Variants in ABAT observed in about 807,000 individuals in gnomAD.
The protein encoded by ABAT is 4-aminobutyrate aminotransferase.
A neutral mutation model predicts 64.6 loss-of-function variants in ABAT; 45 were observed. The ratio of observed to expected loss-of-function variants is 0.70; its 90% CI spans 0.55 to 0.89. The LOEUF (loss-of-function observed/expected upper bound fraction) is 0.89, where lower values mean the gene tolerates loss of function less well. ABAT is among the 40% of genes least tolerant of loss of function. The pLI, the probability that ABAT is intolerant of heterozygous loss-of-function variation, is 0.00. For missense variants in ABAT, 633 were observed against 658.4 expected, an observed-to-expected ratio of 0.96 and a Z score of 0.42; for synonymous variants, 297 against 250.5, an observed-to-expected ratio of 1.19 and a Z score of -1.75.
intron 1 of ABAT, among the ~76,000 whole-genome samples, chr16:8,696,268 G>C (rs534049239): frequency 6.6e-6 from 1 of 152,172 alleles, no homozygotes. Flanking sequence ...AGAAGGGCCA[G>C]GGTGACTGTG....
intron 1 of ABAT, among the ~76,000 whole-genome samples, chr16:8,691,444 T>C (rs981191774): frequency 1.4e-5 from 2 of 146,066 alleles, no homozygotes. Flanking sequence ...CCCAGGGAAC[T>C]TTTTTTTTTT....
At chr16:8,761,657 C>T (rs2059801407) in intron 6 of ABAT, among the ~76,000 whole-genome samples, 1 of 152,198 alleles carries the variant, frequency 6.6e-6, no homozygotes, top group Non-Finnish European at 1.5e-5. Context: ...CTGACCTCCA[C>T]GGGCTAAAAG....
At chr16:8,778,438 C>G (rs921122909) in intron 14 of ABAT, among the ~76,000 whole-genome samples, 3 of 152,126 alleles carry the variant, frequency 2.0e-5, no homozygotes, top group Non-Finnish European at 4.4e-5. Context: ...GTTCTCCCCA[C>G]TGTGCCTGTG....
At chr16:8,698,151 G>T (rs1397568928) in intron 1 of ABAT, among the ~76,000 whole-genome samples, 1 of 152,186 alleles carries the variant, frequency 6.6e-6, no homozygotes, top group African/African-American at 2.4e-5. Flanking sequence ...GAGATCAGTA[G>T]GACTGTACTC....
intron 1 of ABAT, among the ~76,000 whole-genome samples, chr16:8,709,390 T>C (rs1031171167): frequency 1.4e-5 from 2 of 139,018 alleles, no homozygotes; most frequent in African/African-American, 2.9e-5. Flanking sequence ...TTATTTATTT[T>C]TGAGATGGAG....
At position 8,683,667 on chromosome 16, in the gene ABAT, G is replaced by A. The variant is rs539751321; in HGVS notation, c.-42+8956G>A. 3 of 152,240 alleles carry A rather than the reference G, an allele frequency of 2.0e-5. No individual in the cohort carries two copies. The East Asian group carries it at 5.8e-4, about 29-fold the overall frequency. The allele number at this position is 152,240 out of a possible 1,614,324, so 9.4% of individuals were successfully genotyped here. On this transcript the variant is annotated intron_variant, in intron 1 of 15. Transcript: ENST00000268251. ...CTACTTAGGTCTGTCCTCTGAAACT[G>A]GAGAAAGGGGAGATGACTTGAAAGT...
chr16:8,778,458 A>C (rs1358735991), intron 14 of ABAT, among the ~76,000 whole-genome samples: 3 of 152,054 alleles, frequency 2.0e-5, no homozygotes, highest in African/African-American at 7.2e-5. Context: ...GTCTGTCTCC[A>C]GATTGTCTTC....
intron 11 of ABAT, 88 bp downstream of exon 11, chr16:8,769,061 AG>A (rs2060027030): frequency 6.3e-7 from 1 of 1,576,442 alleles, no homozygotes; most frequent in South Asian, 1.1e-5. Flanking sequence ...AAACAGATGA[AG>A]GGTTTATCTG....
intron 1 of ABAT, among the ~76,000 whole-genome samples, chr16:8,726,939 C>G (rs1035872407): frequency 2.0e-5 from 3 of 152,326 alleles, no homozygotes; most frequent in African/African-American, 7.2e-5. Flanking sequence ...CTCTGATGAT[C>G]AGTGATGTCA....
intron 1 of ABAT, among the ~76,000 whole-genome samples, chr16:8,687,653 C>T (rs11646372): frequency 0.3 from 45,808 of 152,046 alleles, 7,275 homozygotes; most frequent in East Asian, 0.6. Flanking sequence ...AGGTCCCACG[C>T]GGTGCATCCC....
Position 8,766,231 on chromosome 16 carries a change from C to A in ABAT, c.564C>A (p.Gly188=). 6.2e-7 allele frequency: 1 copy of A among 1,614,132 alleles called. No individual in the cohort carries two copies. The highest frequency in any genetic ancestry group is 8.5e-7 in the Non-Finnish European group (1 of 1,179,974). Residue 188 remains glycine (G), a synonymous_variant, in exon 9 of 16, where the codon GGC becomes GGA. Transcript: ENST00000268251. The stretch of plus-strand genomic sequence containing the variant: ...AGAGCAAGGAAAGAGGGCAGAGGGG[C>A]TTCTCCCAGGAGGAGCTGGAGACGT... ...WYRSKERGQR[G]FSQEELETCM... is the part of the protein sequence containing the mutation.
At chr16:8,773,058 G>A (rs1219154385) in intron 12 of ABAT, 141 bp downstream of exon 12, 5 of 1,083,986 alleles carry the variant, frequency 4.6e-6, no homozygotes, top group Non-Finnish European at 6.8e-6. Context: ...CATCAGGGGT[G>A]GAGAAGTTGG....
intron 1 of ABAT, among the ~76,000 whole-genome samples, chr16:8,680,250 G>T (rs1288523739): frequency 6.6e-6 from 1 of 151,924 alleles, no homozygotes; most frequent in Non-Finnish European, 1.5e-5. Context: ...ATCCATAATT[G>T]CCTGGAAGCA....
intron 1 of ABAT, among the ~76,000 whole-genome samples, chr16:8,691,270 GC>G (rs1334444442): frequency 2.6e-5 from 4 of 152,098 alleles, no homozygotes; most frequent in African/African-American, 9.7e-5. Context: ...CAGATGAGGG[GC>G]TATTACAGAA....
At chr16:8,775,391 C>G (rs568558118) in intron 13 of ABAT, among the ~76,000 whole-genome samples, 1 of 152,294 alleles carries the variant, frequency 6.6e-6, no homozygotes, top group Admixed American at 6.5e-5. Flanking sequence ...TGAGAACAAT[C>G]TAACCAAGTA....
chr16:8,677,899 GA>G (rs544704106), intron 1 of ABAT, among the ~76,000 whole-genome samples: 10 of 149,708 alleles, frequency 6.7e-5, no homozygotes, highest in Middle Eastern at 3.4e-3. Context: ...TAAAATACAG[GA>G]AAAAAAAAAT....
In ABAT at chr16:8,781,189, T is replaced by TGATG. The variant is rs3217123; in HGVS notation, c.1382-95_1382-92dup. On this transcript the variant is annotated intron_variant, in intron 15 of 15. Transcript: ENST00000268251. The surrounding 1 kb of genome is among the most constrained non-coding windows in gnomAD (Gnocchi z 4.5). ...AAGCCCGGGCTTCCATGATGGAGGA[T>TGATG]GATGGATGGATGGATGGATGGATGG... 291 of 1,432,148 alleles carry TGATG rather than the reference T, an allele frequency of 2.0e-4. 1 individual carries two copies. The highest frequency in any genetic ancestry group is 1.0e-3 in the African/African-American group (71 of 71,260). 88.7% of individuals were successfully genotyped at this position (1,432,148 alleles called of 1,614,324 possible).
rs9746220 is a variant in ABAT at position 8,684,381 on chromosome 16, T to A, written c.-42+9670T>A. Among the ~76,000 whole-genome samples the A allele has an allele frequency of 2.8e-3, 433 of 152,218 alleles. 1 individual carries two copies. Among genetic ancestry groups the A allele is most frequent in the African/African-American group, 9.9e-3 (413 of 41,536 alleles). On this transcript the variant is annotated intron_variant, in intron 1 of 15. Transcript: ENST00000268251. ...TGAACCCAGGAGTTCAAGACCAGCCTGGCCAACATGGCCAAACCCCGCCTC... is the reference window on the plus strand; with the variant it reads ...TGAACCCAGGAGTTCAAGACCAGCCAGGCCAACATGGCCAAACCCCGCCTC...
chr16:8,730,726 G>C (rs1446009060), intron 1 of ABAT, among the ~76,000 whole-genome samples: 1 of 152,062 alleles, frequency 6.6e-6, no homozygotes, highest in Non-Finnish European at 1.5e-5. Flanking sequence ...CATGAGGAAA[G>C]GGCTGCGTCC....
Sources: allele counts gnomAD v4.1 joint callset (sites outside exome capture counted in the v4.1 genomes callset), GRCh38; gene constraint gnomAD v4.1.1; non-coding constraint Gnocchi (gnomAD v3.1); transcripts MANE v1.5; gene names NCBI Gene and HGNC (gene_info 2026-07-23, HGNC 2026-07-21).